CA10: variants seen among roughly 807,000 people sequenced by gnomAD.
CA10 encodes the protein carbonic anhydrase-related protein 10.
Under a neutral mutation model 44.2 loss-of-function variants are expected in CA10, and 14 were observed. The observed-to-expected ratio is 0.32, with a 90% CI of 0.21 to 0.50. The LOEUF is 0.50. CA10 is among the 20% of genes least tolerant of loss of function. The pLI is 0.99. For synonymous variants in CA10, 159 were observed against 141.6 expected (o/e 1.12, Z -0.87); for missense variants, 350 against 409.7 (o/e 0.85, Z 1.26).
intron 3 of CA10, among the ~76,000 whole-genome samples, chr17:51,764,732 T>C (rs1905308056): frequency 6.6e-6 from 1 of 152,202 alleles, no homozygotes; most frequent in African/African-American, 2.4e-5. Flanking sequence ...CATCTCCGTA[T>C]TTCTTGCCAG....
At chr17:51,675,665 T>C (rs576665368) in intron 4 of CA10, among the ~76,000 whole-genome samples, 225 of 150,716 alleles carry the variant, frequency 1.5e-3, no homozygotes, top group African/African-American at 5.3e-3. Context: ...GCAGTGAGCC[T>C]AGATTGCGCC....
At chr17:51,986,825 A>C (rs1984854813) in intron 2 of CA10, among the ~76,000 whole-genome samples, 1 of 152,034 alleles carries the variant, frequency 6.6e-6, no homozygotes, top group Non-Finnish European at 1.5e-5. Context: ...TTACTCCTGC[A>C]AGAATGGCCA....
intron 3 of CA10, among the ~76,000 whole-genome samples, chr17:51,910,329 C>A (rs965271520): frequency 2.0e-5 from 3 of 151,954 alleles, no homozygotes; most frequent in Non-Finnish European, 2.9e-5. Context: ...CTGATAACAA[C>A]GAAAGAGCAG....
At chr17:51,993,535 C>T (rs203039) in intron 2 of CA10, among the ~76,000 whole-genome samples, 78,975 of 151,736 alleles carry the variant, frequency 0.52, 21,920 homozygotes, top group African/African-American at 0.71. Flanking sequence ...GAAATCCTCC[C>T]CAGTGCCTCA....
At chr17:52,061,736 C>T (rs1332411213) in intron 2 of CA10, among the ~76,000 whole-genome samples, 18 of 152,220 alleles carry the variant, frequency 1.2e-4, no homozygotes, top group African/African-American at 2.4e-4. Flanking sequence ...ATTCACCTTC[C>T]GCCATGATTG....
intron 2 of CA10, among the ~76,000 whole-genome samples, chr17:52,002,562 C>T (rs1223733922): frequency 6.6e-6 from 1 of 151,844 alleles, no homozygotes; most frequent in Non-Finnish European, 1.5e-5. Flanking sequence ...TAAATGGATG[C>T]CTGCACAAAA....
At chr17:51,656,475 C>T (rs1267536452) in intron 4 of CA10, among the ~76,000 whole-genome samples, 1 of 152,212 alleles carries the variant, frequency 6.6e-6, no homozygotes, top group Non-Finnish European at 1.5e-5. Context: ...ATTCTGATAT[C>T]AGGAGCTTTG....
At chr17:51,771,802 G>C (rs2143658179) in intron 3 of CA10, among the ~76,000 whole-genome samples, 1 of 152,264 alleles carries the variant, frequency 6.6e-6, no homozygotes, top group South Asian at 2.1e-4. Flanking sequence ...AGTGAGGCGA[G>C]GCTTGACCAA....
intron 3 of CA10, among the ~76,000 whole-genome samples, chr17:51,891,140 C>A (rs1439701586): frequency 6.6e-6 from 1 of 152,182 alleles, no homozygotes; most frequent in African/African-American, 2.4e-5. Context: ...ACAATCACAT[C>A]TACTACTACG....
chr17:52,140,139 A>T (rs1425275011), intron 1 of CA10, among the ~76,000 whole-genome samples: 3 of 152,220 alleles, frequency 2.0e-5, no homozygotes, highest in Non-Finnish European at 4.4e-5. Flanking sequence ...AGTGATAAAA[A>T]TGTTCCACAT....
At chr17:52,086,284 A>T (rs537806765) in intron 1 of CA10, among the ~76,000 whole-genome samples, 6 of 152,322 alleles carry the variant, frequency 3.9e-5, no homozygotes, top group Admixed American at 2.6e-4. Flanking sequence ...TTTATTTCTC[A>T]TACATATAAA....
chr17:51,745,692 TG>T (rs1904657289), intron 4 of CA10, among the ~76,000 whole-genome samples: 2 of 152,228 alleles, frequency 1.3e-5, no homozygotes, highest in Admixed American at 1.3e-4. Context: ...AAGAAACAAG[TG>T]TCACTAAAGA....
At chr17:51,670,487 C>CT (rs540965357) in intron 4 of CA10, among the ~76,000 whole-genome samples, 3,302 of 146,066 alleles carry the variant, frequency 0.023, 43 homozygotes, top group Non-Finnish European at 0.032. Flanking sequence ...GTCCGCATTC[C>CT]TTTTTTTTTT....
intron 3 of CA10, among the ~76,000 whole-genome samples, chr17:51,791,679 C>T (rs1906523431): frequency 6.6e-6 from 1 of 152,168 alleles, no homozygotes; most frequent in African/African-American, 2.4e-5. Flanking sequence ...TGTGGCGCCA[C>T]CAACTCAGAT....
At chr17:51,808,982 TA>T (rs1907249044) in intron 3 of CA10, among the ~76,000 whole-genome samples, 1 of 152,190 alleles carries the variant, frequency 6.6e-6, no homozygotes, top group South Asian at 2.1e-4. Flanking sequence ...TTTTCAAAGC[TA>T]TTGAGTTTCT....
chr17:51,821,125 C>T (rs1268095342), intron 3 of CA10, among the ~76,000 whole-genome samples: 1 of 125,546 alleles, frequency 8.0e-6, no homozygotes, highest in Non-Finnish European at 1.7e-5. Context: ...TTCCTCCCTT[C>T]CCTCCCTCCC....
At chr17:51,749,660 C>T (rs1421823495) in intron 3 of CA10, among the ~76,000 whole-genome samples, 1 of 152,212 alleles carries the variant, frequency 6.6e-6, no homozygotes, top group African/African-American at 2.4e-5. Flanking sequence ...CTTCTTTCTC[C>T]TGTGAAATCT....
At chr17:51,975,529 A>C (rs534580717) in intron 2 of CA10, among the ~76,000 whole-genome samples, 1 of 152,196 alleles carries the variant, frequency 6.6e-6, no homozygotes, top group South Asian at 2.1e-4. Flanking sequence ...AAATACAATA[A>C]CGTAGACAGG....
intron 3 of CA10, among the ~76,000 whole-genome samples, chr17:51,840,049 T>G (rs1407912108): frequency 6.6e-6 from 1 of 152,232 alleles, no homozygotes; most frequent in Non-Finnish European, 1.5e-5. Context: ...TATACCTGTT[T>G]TGGAGTCTAG....
Sources: allele counts gnomAD v4.1 joint callset (sites outside exome capture counted in the v4.1 genomes callset), GRCh38; gene constraint gnomAD v4.1.1; transcripts MANE v1.5; gene names NCBI Gene and HGNC (gene_info 2026-07-23, HGNC 2026-07-21).